Variants in ADAMTSL1 observed in about 807,000 individuals in gnomAD.
ADAMTSL1 encodes the protein ADAMTS like 1.
ADAMTSL1 carries 126 observed loss-of-function variants against 201.8 expected under a neutral mutation model. The observed-to-expected ratio is 0.62, with a 90% CI of 0.54 to 0.72. ADAMTSL1 has a LOEUF of 0.72. Ranked by LOEUF, ADAMTSL1 falls within the 30% of genes least tolerant of loss-of-function variation. The pLI, the probability that ADAMTSL1 is intolerant of heterozygous loss-of-function variation, is 0.00. For missense variants in ADAMTSL1, 2,679 were observed against 2,277.8 expected (o/e 1.18, Z -3.59); for synonymous variants, 1,121 against 903.4 (o/e 1.24, Z -4.32).
At chr9:18,673,112 A>C (rs892074420) in intron 9 of ADAMTSL1, among the ~76,000 whole-genome samples, 3 of 152,162 alleles carry the variant, frequency 2.0e-5, no homozygotes, top group African/African-American at 7.2e-5. Context: ...ACATATTCAG[A>C]TGCATGTCTG....
chr9:18,330,512 T>C (rs1834989237), intron 2 of ADAMTSL1, among the ~76,000 whole-genome samples: 1 of 152,160 alleles, frequency 6.6e-6, no homozygotes, highest in African/African-American at 2.4e-5. Flanking sequence ...TCCATGTGGA[T>C]GCCCGAGGCT....
intron 1 of ADAMTSL1, among the ~76,000 whole-genome samples, chr9:18,083,094 G>A (rs988217060): frequency 2.6e-5 from 4 of 152,166 alleles, no homozygotes; most frequent in South Asian, 4.1e-4. Flanking sequence ...CATGTGGAAC[G>A]TAAGACTTGA....
intron 2 of ADAMTSL1, among the ~76,000 whole-genome samples, chr9:18,397,188 T>A (rs899294091): frequency 1.4e-4 from 21 of 152,208 alleles, no homozygotes; most frequent in African/African-American, 4.6e-4. Flanking sequence ...ACAGGTGGTA[T>A]TCTTGAAATG....
rs547515312 is a variant in ADAMTSL1 at position 18,728,021 on chromosome 9, G to A, written c.2006+6356G>A. Among the ~76,000 whole-genome samples, 57 of 151,966 alleles carry A rather than the reference G, an allele frequency of 3.8e-4. 1 individual carries two copies. In the Middle Eastern group the frequency reaches 0.01, roughly 27 times the overall value. ...CTTGAACCCAGGAGGAGGAAGTTAC[G>A]GTGAGCCAAGATCATGCCATTGCAC... On this transcript the variant is annotated intron_variant, in intron 15 of 28. Transcript: ENST00000380548.
chr9:18,643,927 G>T (rs1364471083), intron 7 of ADAMTSL1, among the ~76,000 whole-genome samples: 1 of 151,866 alleles, frequency 6.6e-6, no homozygotes, highest in Non-Finnish European at 1.5e-5. Context: ...AATGTCATTG[G>T]AATTTTGATG....
chr9:18,179,259 T>G (rs1828334930), intron 2 of ADAMTSL1, among the ~76,000 whole-genome samples: 2 of 151,974 alleles, frequency 1.3e-5, no homozygotes, highest in African/African-American at 2.4e-5. Flanking sequence ...TGCGATCAAC[T>G]GGAAGAAAGG....
At chr9:18,826,090 T>C in intron 21 of ADAMTSL1, 194 bp from the exon 22 acceptor site, 1 of 641,836 alleles carries the variant, frequency 1.6e-6, no homozygotes, top group South Asian at 2.0e-5. Flanking sequence ...TTCTGATTCT[T>C]TGGTCACCCT....
intron 4 of ADAMTSL1, 144 bp downstream of exon 4, chr9:18,574,410 A>G (rs1482184823): frequency 3.7e-6 from 3 of 804,596 alleles, no homozygotes; most frequent in African/African-American, 3.4e-5. Context: ...AAATTAAGGT[A>G]TGATTTCAGT....
At chr9:18,194,872 T>C (rs973507161) in intron 2 of ADAMTSL1, among the ~76,000 whole-genome samples, 2 of 152,106 alleles carry the variant, frequency 1.3e-5, no homozygotes, top group Non-Finnish European at 2.9e-5. Context: ...GCTGTGACTA[T>C]CCTTTGATTA....
chr9:18,774,288 C>A (rs1318064635), intron 17 of ADAMTSL1, among the ~76,000 whole-genome samples: 1 of 152,028 alleles, frequency 6.6e-6, no homozygotes, highest in Non-Finnish European at 1.5e-5. Flanking sequence ...CCTTATGGAC[C>A]AATTACAAAC....
At chr9:18,392,350 A>G (rs920614763) in intron 2 of ADAMTSL1, among the ~76,000 whole-genome samples, 6 of 152,122 alleles carry the variant, frequency 3.9e-5, no homozygotes, top group Admixed American at 3.3e-4. Context: ...TCATGGGGAT[A>G]AAAAAAGGAA....
rs113831323 is a variant in ADAMTSL1 at position 18,572,052 on chromosome 9, G to T, written c.238-1978G>T. ...TACTAAAAATATAAAAAAATGAGCT[G>T]GGTGTGGGGGCACATGCCTGTAATC... On this transcript the variant is annotated intron_variant, in intron 3 of 28. Transcript: ENST00000380548. 6.1e-3 allele frequency among the ~76,000 whole-genome samples: 934 copies of T among 152,158 alleles called. 5 individuals are homozygous for T. The highest frequency in any genetic ancestry group is 0.021 in the African/African-American group (878 of 41,520).
chr9:18,313,439 G>A (rs182140525), intron 2 of ADAMTSL1, among the ~76,000 whole-genome samples: 1 of 151,934 alleles, frequency 6.6e-6, no homozygotes, highest in Non-Finnish European at 1.5e-5. Flanking sequence ...TCTTAACTTT[G>A]GACACACATT....
At chr9:18,457,402 G>T (rs1261534466) in intron 2 of ADAMTSL1, among the ~76,000 whole-genome samples, 1 of 152,116 alleles carries the variant, frequency 6.6e-6, no homozygotes, top group African/African-American at 2.4e-5. Flanking sequence ...TGTGATCATG[G>T]CTCACTGCAG....
chr9:18,522,067 A>T (rs1053819452), intron 2 of ADAMTSL1, among the ~76,000 whole-genome samples: 1 of 152,168 alleles, frequency 6.6e-6, no homozygotes, highest in African/African-American at 2.4e-5. Flanking sequence ...TTCCTTTTTC[A>T]TGGTCAAGTT....
At position 18,329,244 on chromosome 9, in the gene ADAMTSL1, T is replaced by C. The variant is rs546163353; in HGVS notation, c.207+165263T>C. ...TGTTACCAGACACTGAATCTTAATC[T>C]TGGGCTTCCCAGCCTCTAGAACTGT... On this transcript the variant is annotated intron_variant, in intron 2 of 29. Transcript: ENST00000680146. 2.6e-5 allele frequency among the ~76,000 whole-genome samples: 4 copies of C among 152,318 alleles called. 1 individual carries two copies. In the South Asian group the frequency reaches 8.3e-4, roughly 32 times the overall value.
chr9:18,043,274 C>T (rs576606574), intron 1 of ADAMTSL1, among the ~76,000 whole-genome samples: 1 of 152,016 alleles, frequency 6.6e-6, no homozygotes, highest in African/African-American at 2.4e-5. Context: ...AACTACTAGG[C>T]CAGAATACTC....
chr9:17,942,889 A>T (rs1377960214), intron 1 of ADAMTSL1, among the ~76,000 whole-genome samples: 2 of 152,160 alleles, frequency 1.3e-5, no homozygotes, highest in Admixed American at 1.3e-4. Flanking sequence ...TCTGAATGTC[A>T]ACCCTGATTG....
intron 1 of ADAMTSL1, among the ~76,000 whole-genome samples, chr9:18,161,162 AAATT>A (rs967543673): frequency 1.3e-5 from 2 of 152,050 alleles, no homozygotes; most frequent in Non-Finnish European, 2.9e-5. Context: ...CTATAATTAA[AAATT>A]AAAGTATAAA....
Sources: gnomAD v4.1 joint callset for allele counts (sites outside exome capture counted in the v4.1 genomes callset) on GRCh38, gnomAD v4.1.1 for gene constraint, MANE v1.5 for transcripts, NCBI Gene and HGNC (gene_info 2026-07-23, HGNC 2026-07-21) for gene names.